CACNB2: variants seen among roughly 807,000 people sequenced by gnomAD.
CACNB2 encodes the protein voltage-dependent L-type calcium channel subunit beta-2.
Under a neutral mutation model 73.3 loss-of-function variants are expected in CACNB2, and 42 were observed. The ratio of observed to expected loss-of-function variants is 0.57; its 90% CI spans 0.45 to 0.74. The LOEUF is 0.74. Ranked by LOEUF, CACNB2 falls within the 30% of genes least tolerant of loss-of-function variation. The probability of loss-of-function intolerance (pLI) is 0.00; values close to 1 mark genes in which losing one functional copy is unlikely to be tolerated. For synonymous variants in CACNB2, 348 were observed against 310.3 expected, an observed-to-expected ratio of 1.12 and a Z score of -1.28; for missense variants, 940 against 853.0, an observed-to-expected ratio of 1.10 and a Z score of -1.27.
At chr10:18,192,686 T>C (rs2034456266) in intron 2 of CACNB2, among the ~76,000 whole-genome samples, 1 of 152,226 alleles carries the variant, frequency 6.6e-6, no homozygotes, top group South Asian at 2.1e-4. Flanking sequence ...ATCTGTGTTC[T>C]GTCTCTATGG....
chr10:18,143,550 G>A (rs2030653702), intron 1 of CACNB2, among the ~76,000 whole-genome samples: 1 of 152,144 alleles, frequency 6.6e-6, no homozygotes, highest in Non-Finnish European at 1.5e-5. Context: ...AAAAATGAAA[G>A]CAATTTGACT....
chr10:18,272,586 G>A (rs11013287), intron 2 of CACNB2, among the ~76,000 whole-genome samples: 8,273 of 152,198 alleles, frequency 0.054, 466 homozygotes, highest in East Asian at 0.31. Flanking sequence ...GGAAGGACCC[G>A]GTGAGAGGTA....
intron 3 of CACNB2, among the ~76,000 whole-genome samples, chr10:18,449,774 G>A (rs1160337441): frequency 6.6e-6 from 1 of 152,226 alleles, no homozygotes; most frequent in Non-Finnish European, 1.5e-5. Context: ...AAGGAACCCG[G>A]AGCATATCCC....
intron 3 of CACNB2, among the ~76,000 whole-genome samples, chr10:18,465,967 C>T (rs958378684): frequency 1.6e-4 from 24 of 152,276 alleles, no homozygotes; most frequent in African/African-American, 5.8e-4. Flanking sequence ...AGGCGTGGGC[C>T]ACTGCGCCCG....
At position 18,342,993 on chromosome 10, in the gene CACNB2, C is replaced by G. The variant is rs375859056; in HGVS notation, c.214-58931C>G. Reference sequence around the variant, plus strand: ...ATTTCAGTACCTTCTAAAGTCATTCCAAACCTCAAATGCAGGAAACACATT... The same window carrying G: ...ATTTCAGTACCTTCTAAAGTCATTCGAAACCTCAAATGCAGGAAACACATT... On this transcript the variant is annotated intron_variant, in intron 2 of 13. Coordinates refer to ENST00000324631, the MANE Select transcript of CACNB2 (RefSeq NM_201596.3). 1.2e-4 allele frequency among the ~76,000 whole-genome samples: 18 copies of G among 152,152 alleles called. No individual in the cohort carries two copies. In the South Asian group the frequency reaches 1.5e-3, roughly 12 times the overall value.
intron 3 of CACNB2, among the ~76,000 whole-genome samples, chr10:18,425,501 T>C (rs561718535): frequency 1.8e-3 from 238 of 129,230 alleles, no homozygotes; most frequent in African/African-American, 6.9e-3. Flanking sequence ...ACTTCGTTAC[T>C]ACAAATAATT....
chr10:18,337,614 T>A (rs751593541), intron 2 of CACNB2, among the ~76,000 whole-genome samples: 2 of 152,186 alleles, frequency 1.3e-5, no homozygotes, highest in Non-Finnish European at 2.9e-5. Context: ...GTAGGTGTGA[T>A]CTAGTTTTGA....
chr10:18,230,801 A>G (rs752858819), intron 2 of CACNB2, among the ~76,000 whole-genome samples: 2 of 151,620 alleles, frequency 1.3e-5, no homozygotes, highest in Non-Finnish European at 2.9e-5. Context: ...CAAGTCCCAC[A>G]TGAGGTGAAA....
At chr10:18,390,263 A>T (rs2043407248) in intron 2 of CACNB2, among the ~76,000 whole-genome samples, 1 of 152,218 alleles carries the variant, frequency 6.6e-6, no homozygotes, top group African/African-American at 2.4e-5. Flanking sequence ...CCCAGGCTGG[A>T]GTGCAGTGGC....
chr10:18,304,270 A>G (rs931167950), intron 2 of CACNB2, among the ~76,000 whole-genome samples: 3 of 152,166 alleles, frequency 2.0e-5, no homozygotes, highest in African/African-American at 7.2e-5. Flanking sequence ...CAGTGTTTTC[A>G]TACGTAGAAT....
At chr10:18,536,571 A>ATTATATT (rs2053625142) in intron 12 of CACNB2, among the ~76,000 whole-genome samples, 1 of 152,018 alleles carries the variant, frequency 6.6e-6, no homozygotes, top group South Asian at 2.1e-4. Flanking sequence ...CAGAACTGGC[A>ATTATATT]TTATATTTTG....
chr10:18,286,517 CAAAAAAAAAAAAAAAAAAAAAAA>C (rs770589594), intron 2 of CACNB2, among the ~76,000 whole-genome samples: 1 of 57,328 alleles, frequency 1.7e-5, no homozygotes, highest in East Asian at 7.2e-4. Flanking sequence ...GATTCTGTCT[CAAAAAAAAAAAAAAAAAAAAAAA>C]AAAAAAAAAA....
At chr10:18,512,308 A>T (rs4748479) in intron 6 of CACNB2, among the ~76,000 whole-genome samples, 126,115 of 152,002 alleles carry the variant, frequency 0.83, 52,341 homozygotes, top group East Asian at 0.98. Flanking sequence ...TTTATTAGAC[A>T]GATTTCACTC....
chr10:18,150,880 T>TTTTTTTTTTC lies in CACNB2; in HGVS notation c.121-3_121-2insTTTTTTTTTC. ...CTTTTTTTTTTTTTTTTTTTTTTTTTAGTCATATGGAAAAGGAGCCAGAAG... is the reference window on the plus strand; with the variant it reads ...CTTTTTTTTTTTTTTTTTTTTTTTTTTTTTTTTTTCAGTCATATGGAAAAGGAGCCAGAAG... On this transcript the variant is annotated splice_polypyrimidine_tract_variant and splice_region_variant and intron_variant, in intron 1 of 13. Coordinates refer to ENST00000324631, the MANE Select transcript of CACNB2 (RefSeq NM_201596.3). The TTTTTTTTTTC allele has an allele frequency of 1.5e-6, 2 of 1,300,366 alleles. No individual in the cohort carries two copies. Among genetic ancestry groups the TTTTTTTTTTC allele is most frequent in the Non-Finnish European group, 2.1e-6 (2 of 943,298 alleles). 80.6% of individuals were successfully genotyped at this position (1,300,366 alleles called of 1,614,324 possible). A position where few individuals can be genotyped will look rare whatever the true frequency, so the allele number is the denominator to read the frequency against.
At chr10:18,299,099 A>AAAAG (rs2039402491) in intron 2 of CACNB2, among the ~76,000 whole-genome samples, 2 of 150,624 alleles carry the variant, frequency 1.3e-5, no homozygotes, top group African/African-American at 4.9e-5. Context: ...AAAAGAAAAA[A>AAAAG]TAAAAAGAAA....
At chr10:18,449,815 C>G (rs1335090802) in intron 3 of CACNB2, among the ~76,000 whole-genome samples, 2 of 152,120 alleles carry the variant, frequency 1.3e-5, no homozygotes, top group Non-Finnish European at 2.9e-5. Flanking sequence ...TAGGGTTGTT[C>G]CCAGAGTGGC....
At chr10:18,414,231 G>A (rs960957389) in intron 3 of CACNB2, among the ~76,000 whole-genome samples, 4 of 152,218 alleles carry the variant, frequency 2.6e-5, no homozygotes, top group Non-Finnish European at 4.4e-5. Flanking sequence ...TGTGCTTTCT[G>A]CCTCTTAGTC....
intron 2 of CACNB2, among the ~76,000 whole-genome samples, chr10:18,233,040 G>T (rs562127028): frequency 6.6e-6 from 1 of 152,262 alleles, no homozygotes; most frequent in South Asian, 2.1e-4. Context: ...AACCATGATC[G>T]CACCACTGCA....
intron 2 of CACNB2, among the ~76,000 whole-genome samples, chr10:18,220,110 AATAT>A (rs1165921150): frequency 0.018 from 598 of 32,600 alleles, 10 homozygotes; most frequent in South Asian, 0.032. Context: ...TTTATTTTTT[AATAT>A]ATATATATAT....
Sources: allele counts gnomAD v4.1 joint callset (sites outside exome capture counted in the v4.1 genomes callset), GRCh38; gene constraint gnomAD v4.1.1; transcripts MANE v1.5; gene names NCBI Gene and HGNC (gene_info 2026-07-23, HGNC 2026-07-21).